TTN: variants seen among roughly 807,000 people sequenced by gnomAD.
TTN encodes the protein titin.
Under a neutral mutation model 3,223.0 loss-of-function variants are expected in TTN, and 1,525 were observed. That is an observed-to-expected ratio of 0.47 (90% CI 0.45 to 0.49). TTN has a LOEUF of 0.49. Ranked by LOEUF, TTN falls within the 20% of genes least tolerant of loss-of-function variation. The probability of loss-of-function intolerance (pLI) is 0.00; values close to 1 mark genes in which losing one functional copy is unlikely to be tolerated. For synonymous variants in TTN, 14,094 were observed against 15,161.0 expected, an observed-to-expected ratio of 0.93 and a Z score of 5.17; for missense variants, 40,786 against 43,424.0, an observed-to-expected ratio of 0.94 and a Z score of 5.40.
At chr2:178,559,211 C>T (rs1269184202) in intron 326 of TTN, 100 bp downstream of exon 326, 3 of 1,180,878 alleles carry the variant, frequency 2.5e-6, no homozygotes. Flanking sequence ...GGTGTGAACC[C>T]AAAAGCATTT....
In TTN at chr2:178,651,937, T is replaced by C; in HGVS notation, c.39326A>G (p.Glu13109Gly). The change falls in exon 205 of 363, where the codon GAA becomes GGA. Residue 13109 changes from glutamate to glycine, a missense_variant. Transcript: ENST00000589042. The stretch of plus-strand genomic sequence containing the variant: ...TTCCACAACTTCAGCAGGAGGCTCT[T>C]CTAGGGCAACTTCCTCAGGCTCCTC... ...VFEEPEEVAL[E>G]EPPAEVVEEP... The C allele has an allele frequency of 1.2e-6, 2 of 1,610,460 alleles. No individual in the cohort carries two copies. Among genetic ancestry groups the C allele is most frequent in the Non-Finnish European group, 1.7e-6 (2 of 1,178,332 alleles).
rs542259495 is a variant in TTN, at chr2:178,750,762, T to C, written c.11311+2362A>G. 8.2e-5 allele frequency: 133 copies of C among 1,613,068 alleles called. No individual in the cohort carries two copies. In the South Asian group the frequency reaches 1.4e-3, roughly 17 times the overall value. On this transcript the variant is annotated intron_variant, in intron 47 of 362. Coordinates refer to ENST00000589042, the MANE Select transcript of TTN (RefSeq NM_001267550.2). ...TTTACAAGTGTACCAAAAGATTCGC[T>C]GGCATGTGGTGTAATAGCTTGAGAC...
Position 178,646,104 on chromosome 2 carries a change from TTATATATA to T in TTN, c.40298-82_40298-75del, listed in dbSNP as rs71023450. On this transcript the variant is annotated intron_variant, in intron 216 of 362. Coordinates refer to ENST00000589042, the MANE Select transcript of TTN (RefSeq NM_001267550.2). Reference sequence around the variant, plus strand: ...GGATATGTAGTATATTTAATAGAAATTATATATATATATATATATATATATATATATAT... The same window carrying T: ...GGATATGTAGTATATTTAATAGAAATTATATATATATATATATATATATAT... 6.5e-3 allele frequency: 248 copies of T among 37,984 alleles called. 4 individuals are homozygous for T. Among genetic ancestry groups the T allele is most frequent in the Middle Eastern group, 0.033 (2 of 60 alleles). 2.4% of individuals were successfully genotyped at this position (37,984 alleles called of 1,614,324 possible).
At chr2:178,694,158 A>G in intron 117 of TTN, 150 bp from the exon 118 acceptor site, 1 of 604,428 alleles carries the variant, frequency 1.7e-6, no homozygotes, top group Non-Finnish European at 2.9e-6. Context: ...CAAGAAAACA[A>G]ATCATGTTTT....
In TTN at chr2:178,535,136, G is replaced by A. The variant is rs372067498; in HGVS notation, c.101479C>T (p.Arg33827Cys). 35 of 1,613,598 alleles carry A rather than the reference G, an allele frequency of 2.2e-5. 1 individual carries two copies. The South Asian group carries it at 2.5e-4, about 12-fold the overall frequency. ...EKYMIAEDLG[R>C]GEFGIVHRCV... ...CGATGGACAATTCCAAACTCACCAC[G>A]CCCAAGATCTTCAGCAATCATATAT... Residue 33827 changes from arginine to cysteine, a missense_variant, in exon 358 of 363, where the codon CGT (arginine) becomes TGT (cysteine). Physicochemically the swap from Arg to Cys is radical, Grantham distance 180. Coordinates refer to ENST00000589042, the MANE Select transcript of TTN (RefSeq NM_001267550.2).
chr2:178,625,320 T>G lies in TTN; in HGVS notation c.44501A>C (p.Gln14834Pro). 6.2e-7 allele frequency: 1 copy of G among 1,607,772 alleles called. No individual in the cohort carries two copies. The highest frequency in any genetic ancestry group is 8.5e-7 in the Non-Finnish European group (1 of 1,177,026). The change falls in exon 241 of 363, where the codon CAA (glutamine) becomes CCA (proline). Residue 14834 changes from glutamine to proline, a missense_variant. Transcript: ENST00000589042. ...DVKLEDAGEV[Q>P]LTAKDFKTHA... is the part of the protein sequence containing the mutation. ...AGTTTTGAAATCTTTTGCTGTTAGT[T>G]GGACTTCCCCAGCATCTTCTAACTT...
Position 178,590,762 on chromosome 2 carries a change from G to A in TTN, c.60963C>T (p.Asn20321=), listed in dbSNP as rs776977331. The A allele has an allele frequency of 6.2e-7, 1 of 1,608,742 alleles. No individual in the cohort carries two copies. The highest frequency in any genetic ancestry group is 1.7e-5 in the Admixed American group (1 of 59,814). Residue 20321 remains asparagine, a synonymous_variant, in exon 304 of 363, where the codon AAC becomes AAT. Transcript: ENST00000589042. The stretch of plus-strand genomic sequence containing the variant: ...ACTTCAGGTCAGCGATAGGTGTTTT[G>A]TTGACCCTCACCCATTTGCCAGTTA... ...REVTGKWVRV[N]KTPIADLKFR...
intron 112 of TTN, among the ~76,000 whole-genome samples, chr2:178,698,553 T>A (rs117386090): frequency 1.3e-5 from 2 of 151,802 alleles, no homozygotes; most frequent in African/African-American, 4.8e-5. Context: ...AAAGAATAGC[T>A]GTTGGATTTC....
Position 178,567,028 on chromosome 2 carries a change from A to G in TTN, c.79104T>C (p.Gly26368=), listed in dbSNP as rs745686112. The part of the protein sequence containing the change: ...VFRIMAVNKY[G]VGEPLESAPV... ...GTGCAGATTCCAAAGGCTCTCCAACACCATATTTGTTGACAGCCATTATAC... is the reference window on the plus strand; with the variant it reads ...GTGCAGATTCCAAAGGCTCTCCAACGCCATATTTGTTGACAGCCATTATAC... Residue 26368 remains glycine (G), a synonymous_variant, in exon 326 of 363, where the codon GGT becomes GGC. Coordinates refer to ENST00000589042, the MANE Select transcript of TTN (RefSeq NM_001267550.2). The G allele has an allele frequency of 1.9e-6, 3 of 1,613,478 alleles. No homozygotes were observed. Among genetic ancestry groups the G allele is most frequent in the African/African-American group, 1.3e-5 (1 of 74,884 alleles).
Position 178,533,833 on chromosome 2 carries a change from G to T in TTN, c.102782C>A (p.Thr34261Asn), listed in dbSNP as rs985229219. The T allele has an allele frequency of 1.4e-5, 22 of 1,613,844 alleles. No individual in the cohort carries two copies. The highest frequency in any genetic ancestry group is 1.8e-5 in the Non-Finnish European group (21 of 1,179,880). ...AGCTGTCTTATTATAGAGAGGCAGGGTAAATTCTGGTGGCCTTTCCAGGAG... is the reference window on the plus strand; with the variant it reads ...AGCTGTCTTATTATAGAGAGGCAGGTTAAATTCTGGTGGCCTTTCCAGGAG... Reference protein sequence around the residue: ...MRLLERPPEFTLPLYNKTAYV... With the variant: ...MRLLERPPEFNLPLYNKTAYV... The change falls in exon 358 of 363, where the codon ACC becomes AAC. Residue 34261 changes from threonine (T) to asparagine (N), a missense_variant. Coordinates refer to ENST00000589042, the MANE Select transcript of TTN (RefSeq NM_001267550.2).
In TTN at chr2:178,675,769, T is replaced by C. The variant is rs2067947803; in HGVS notation, c.34454-15A>G. On this transcript the variant is annotated splice_polypyrimidine_tract_variant and intron_variant, in intron 148 of 362. Coordinates refer to ENST00000589042, the MANE Select transcript of TTN (RefSeq NM_001267550.2). ...TACCACAGACACTTTAAAAATATTA[T>C]TTTATTTTATAAGTTCAGTTTCACA... The C allele has an allele frequency of 1.3e-6, 2 of 1,485,590 alleles. No homozygotes were observed. The highest frequency in any genetic ancestry group is 2.3e-5 in the Admixed American group (1 of 44,066). The allele number at this position is 1,485,590 out of a possible 1,614,324, so 92.0% of individuals were successfully genotyped here.
At position 178,792,234 on chromosome 2, in the gene TTN, G is replaced by C. The variant is rs2093546296; in HGVS notation, c.1537-37C>G. 3.2e-6 allele frequency: 5 copies of C among 1,577,018 alleles called. No individual in the cohort carries two copies. The South Asian group carries it at 5.8e-5, about 18-fold the overall frequency. ...GATTTAAGAAAAAACTTTATTTCCT[G>C]ATGCCCAATGAAATAATATGGTGTT... On this transcript the variant is annotated intron_variant, in intron 9 of 362. Coordinates refer to ENST00000589042, the MANE Select transcript of TTN (RefSeq NM_001267550.2).
rs1313883855 is a variant in TTN at position 178,536,336 on chromosome 2, T to A, written c.100411A>T (p.Asn33471Tyr). ...LEYEFRVKCE[N>Y]LGGESEWSEI... Reference sequence around the variant, plus strand: ...CTCCATTCACTTTCCCCACCTAGATTTTCACATTTCACACGAAACTCGTAT... The same window carrying A: ...CTCCATTCACTTTCCCCACCTAGATATTCACATTTCACACGAAACTCGTAT... The change falls in exon 357 of 363, where the codon AAT becomes TAT. Residue 33471 changes from asparagine (N) to tyrosine (Y), a missense_variant. Transcript: ENST00000589042. 1 of 1,613,764 alleles carries A rather than the reference T, an allele frequency of 6.2e-7. No homozygotes were observed. Among genetic ancestry groups the A allele is most frequent in the Non-Finnish European group, 8.5e-7 (1 of 1,179,780 alleles).
intron 106 of TTN, 70 bp from the exon 107 acceptor site, chr2:178,702,733 C>A: frequency 2.8e-6 from 4 of 1,420,602 alleles, no homozygotes; most frequent in Non-Finnish European, 3.8e-6. Flanking sequence ...GCTTTTACCT[C>A]AGATACTTAA....
chr2:178,733,138 A>G lies in TTN; in HGVS notation c.16055-17T>C. The G allele has an allele frequency of 6.4e-7, 1 of 1,568,852 alleles. No individual in the cohort carries two copies. Among genetic ancestry groups the G allele is most frequent in the Non-Finnish European group, 8.6e-7 (1 of 1,156,644 alleles). Reference sequence around the variant, plus strand: ...TGTCTCGATCTGTGTGTTGCACAAGAAGGGAGAAAAGGTCAATATAGAAGA... The same window carrying G: ...TGTCTCGATCTGTGTGTTGCACAAGGAGGGAGAAAAGGTCAATATAGAAGA... On this transcript the variant is annotated splice_polypyrimidine_tract_variant and intron_variant, in intron 54 of 362. Transcript: ENST00000589042.
rs767657814 is a variant in TTN, at chr2:178,542,870, T to A, written c.96984A>T (p.Ile32328=). 6.2e-7 allele frequency: 1 copy of A among 1,613,754 alleles called. No homozygotes were observed. Among genetic ancestry groups the A allele is most frequent in the Non-Finnish European group, 8.5e-7 (1 of 1,179,738 alleles). The part of the protein sequence containing the change: ...VPAGRPVELV[I]PIAGRPPPAA... The stretch of plus-strand genomic sequence containing the variant: ...CAGGAGGTGGACGGCCAGCAATAGG[T>A]ATCACCAGCTCTACTGGTCTGCCAG... Residue 32328 remains isoleucine (I), a synonymous_variant, in exon 348 of 363, where the codon ATA becomes ATT. Transcript: ENST00000589042.
chr2:178,734,543 A>C lies in TTN; in HGVS notation c.15281T>G (p.Leu5094Arg). The C allele has an allele frequency of 6.2e-7, 1 of 1,608,878 alleles. No homozygotes were observed. The highest frequency in any genetic ancestry group is 1.1e-5 in the South Asian group (1 of 90,278). Residue 5094 changes from leucine to arginine, a missense_variant, in exon 52 of 363, where the codon CTT becomes CGT. Coordinates refer to ENST00000589042, the MANE Select transcript of TTN (RefSeq NM_001267550.2). ...TCCAGTGCCTGAGACTTCACACTGA[A>C]GTAGAGCATTTGTTCCTCTCACTAT... ...ADIVRGTNAL[L>R]QCEVSGTGPF...
chr2:178,577,017 T>C lies in TTN; in HGVS notation c.69318A>G (p.Gln23106=). Residue 23106 remains glutamine, a synonymous_variant, in exon 324 of 363, where the codon CAA becomes CAG. Transcript: ENST00000589042. ...SCRHVATKLI[Q]GNEYIFRVSA... ...AGACCCGGAAGATGTACTCATTTCC[T>C]TGGATAAGTTTGGTTGCCACATGCC... 6.2e-7 allele frequency: 1 copy of C among 1,613,486 alleles called. No homozygotes were observed. The highest frequency in any genetic ancestry group is 8.5e-7 in the Non-Finnish European group (1 of 1,179,576).
chr2:178,542,907 A>G lies in TTN; in HGVS notation c.96947T>C (p.Ile32316Thr), dbSNP rs1366924258. ...IDLSTMPQKTIHVPAGRPVEL... is the reference protein window; with the variant it reads ...IDLSTMPQKTTHVPAGRPVEL... ...TACTGGTCTGCCAGCTGGGACATGG[A>G]TGGTCTTCTGAGGCATTGTAGAAAG... The change falls in exon 348 of 363, where the codon ATC becomes ACC. Residue 32316 changes from isoleucine to threonine, a missense_variant. Coordinates refer to ENST00000589042, the MANE Select transcript of TTN (RefSeq NM_001267550.2). 6.2e-7 allele frequency: 1 copy of G among 1,613,022 alleles called. No homozygotes were observed. Among genetic ancestry groups the G allele is most frequent in the Non-Finnish European group, 8.5e-7 (1 of 1,179,124 alleles).
Sources: gnomAD v4.1 joint callset for allele counts (sites outside exome capture counted in the v4.1 genomes callset) on GRCh38, gnomAD v4.1.1 for gene constraint, MANE v1.5 for transcripts, NCBI Gene and HGNC (gene_info 2026-07-23, HGNC 2026-07-21) for gene names.